Variants in BCL2L14 observed in about 807,000 individuals in gnomAD.
BCL2L14 encodes the protein apoptosis facilitator Bcl-2-like protein 14.
A neutral mutation model predicts 35.3 loss-of-function variants in BCL2L14; 27 were observed. The ratio of observed to expected loss-of-function variants is 0.76; its 90% CI spans 0.56 to 1.05. The LOEUF (loss-of-function observed/expected upper bound fraction) is 1.05, where lower values mean the gene tolerates loss of function less well. Among genes scored for constraint, BCL2L14 ranks in the 50% least tolerant of loss-of-function variants. The pLI, the probability that BCL2L14 is intolerant of heterozygous loss-of-function variation, is 0.00. For missense variants in BCL2L14, 377 were observed against 382.6 expected (o/e 0.99, Z 0.12); for synonymous variants, 139 against 145.9 (o/e 0.95, Z 0.34).
intron 4 of BCL2L14, 120 bp from the exon 5 acceptor site, chr12:12,094,544 A>T: frequency 6.2e-7 from 1 of 1,614,240 alleles, no homozygotes; most frequent in Non-Finnish European, 8.5e-7. Flanking sequence ...CTTGGTTGAC[A>T]CCAGCATCCA....
intron 2 of BCL2L14, chr12:12,054,741 G>C (rs1278996303): frequency 6.6e-6 from 1 of 151,870 alleles, no homozygotes; most frequent in Non-Finnish European, 1.5e-5. Context: ...ATGAGGTCAG[G>C]AGATCGAGAC....
At chr12:12,081,526 A>G (rs570472949) in intron 2 of BCL2L14, among the ~76,000 whole-genome samples, 2 of 148,860 alleles carry the variant, frequency 1.3e-5, no homozygotes, top group East Asian at 3.9e-4. Flanking sequence ...TTCCCCTTCA[A>G]CAAAGCCCAG....
chr12:12,075,425 C>CTTTCTTTCT (rs982111880), intron 1 of BCL2L14, among the ~76,000 whole-genome samples: 2 of 134,154 alleles, frequency 1.5e-5, no homozygotes, highest in African/African-American at 2.7e-5. Context: ...TTCTTTCTTT[C>CTTTCTTTCT]TTTCTTTCTT....
At chr12:12,086,131 T>C (rs905052179) in intron 2 of BCL2L14, among the ~76,000 whole-genome samples, 1 of 152,042 alleles carries the variant, frequency 6.6e-6, no homozygotes, top group Non-Finnish European at 1.5e-5. Context: ...CTGGGCAACA[T>C]AGGGAGACCT....
chr12:12,099,230 T>G lies in BCL2L14; in HGVS notation c.*242T>G. The G allele has an allele frequency of 1.9e-6, 1 of 514,566 alleles. No homozygotes were observed. Among genetic ancestry groups the G allele is most frequent in the South Asian group, 2.3e-5 (1 of 43,152 alleles). 31.9% of individuals were successfully genotyped at this position (514,566 alleles called of 1,614,324 possible). Reference sequence around the variant, plus strand: ...GCCCTCCATTGAGAACCTGAGGAAATCTGTAAAGATAAGTGGTGATGTTGT... The same window carrying G: ...GCCCTCCATTGAGAACCTGAGGAAAGCTGTAAAGATAAGTGGTGATGTTGT... On this transcript the variant is annotated 3_prime_UTR_variant, in exon 6 of 6. Transcript: ENST00000308721.
At chr12:12,092,657 C>A (rs1618847) in intron 4 of BCL2L14, among the ~76,000 whole-genome samples, 1 of 152,034 alleles carries the variant, frequency 6.6e-6, no homozygotes, top group African/African-American at 2.4e-5. Context: ...GCACAGTCCC[C>A]ACTTGGCTGC....
chr12:12,073,000 C>A (rs1049976635), intron 1 of BCL2L14, among the ~76,000 whole-genome samples: 3 of 152,190 alleles, frequency 2.0e-5, no homozygotes, highest in East Asian at 1.9e-4. Flanking sequence ...GATTCTCCCC[C>A]CTCAGCCTCC....
intron 2 of BCL2L14, among the ~76,000 whole-genome samples, chr12:12,083,176 G>A (rs1948965943): frequency 6.6e-6 from 1 of 152,156 alleles, no homozygotes; most frequent in South Asian, 2.1e-4. Flanking sequence ...GTGTTAGCCA[G>A]GATGGTCTCG....
At chr12:12,051,428 C>T (rs944722238) in intron 1 of BCL2L14, among the ~76,000 whole-genome samples, 6 of 152,264 alleles carry the variant, frequency 3.9e-5, no homozygotes, top group Admixed American at 3.9e-4. Context: ...CCCTCTACTC[C>T]ACTCCTGACA....
upstream of BCL2L14, among the ~76,000 whole-genome samples, chr12:12,069,771 T>C (rs1394751014): frequency 2.6e-5 from 4 of 152,008 alleles, no homozygotes; most frequent in Non-Finnish European, 5.9e-5. Flanking sequence ...TAGTATTTCT[T>C]TAATACCCTC....
At chr12:12,088,113 G>C (rs779311530) in intron 3 of BCL2L14, among the ~76,000 whole-genome samples, 1 of 152,162 alleles carries the variant, frequency 6.6e-6, no homozygotes, top group Non-Finnish European at 1.5e-5. Context: ...CATGCCAAGG[G>C]AATCGAGGAC....
rs535375508 is a variant in BCL2L14, at chr12:12,065,353, T to A, written c.-271-12353T>A. Among the ~76,000 whole-genome samples, 10 of 152,176 alleles carry A rather than the reference T, an allele frequency of 6.6e-5. No individual in the cohort carries two copies. In the East Asian group the frequency reaches 1.7e-3, roughly 26 times the overall value. On this transcript the variant is annotated intron_variant, in intron 2 of 3. Transcript: ENST00000461264. ...GAGTTTGAGACCAGCCTGGCCAGCA[T>A]GGAGAAACCCTGTCTCTACTAAAAA...
intron 1 of BCL2L14, among the ~76,000 whole-genome samples, chr12:12,072,036 C>T (rs559178878): frequency 1.3e-5 from 2 of 152,214 alleles, no homozygotes; most frequent in African/African-American, 4.8e-5. Context: ...ACTGTGTGTC[C>T]TGAGCACATG....
chr12:12,096,110 C>A, intron 5 of BCL2L14: 1 of 985,334 alleles, frequency 1.0e-6, no homozygotes, highest in Non-Finnish European at 1.2e-6. Flanking sequence ...TCAAAGGCTG[C>A]ACAGTCTCTA....
chr12:12,069,835 C>T (rs1195554978), upstream of BCL2L14, among the ~76,000 whole-genome samples: 1 of 152,172 alleles, frequency 6.6e-6, no homozygotes, highest in African/African-American at 2.4e-5. Flanking sequence ...AAATTCACCT[C>T]GAGTTACTAA....
rs140363991 is a variant in BCL2L14, at chr12:12,099,343, A to G, written c.*355A>G. On this transcript the variant is annotated 3_prime_UTR_variant, in exon 6 of 6. Transcript: ENST00000308721. ...TACAGATGTCTGCTGACCTCACAAG[A>G]GTGAAAAGATAAACTGTGCATGTGT... 368 of 247,654 alleles carry G rather than the reference A, an allele frequency of 1.5e-3. No individual in the cohort carries two copies. Among genetic ancestry groups the G allele is most frequent in the African/African-American group, 7.5e-3 (329 of 43,672 alleles). The allele number at this position is 247,654 out of a possible 1,614,324, so 15.3% of individuals were successfully genotyped here.
At chr12:12,080,021 G>A (rs957914766) in intron 2 of BCL2L14, among the ~76,000 whole-genome samples, 6 of 151,994 alleles carry the variant, frequency 3.9e-5, no homozygotes, top group Admixed American at 2.6e-4. Flanking sequence ...TGGCTAACAC[G>A]GTAAAACCCC....
chr12:12,063,229 G>A (rs755335519), intron 2 of BCL2L14, among the ~76,000 whole-genome samples: 7 of 133,696 alleles, frequency 5.2e-5, no homozygotes, highest in Non-Finnish European at 1.1e-4. Context: ...AGCCATCACA[G>A]CTGATATCTC....
upstream of BCL2L14, among the ~76,000 whole-genome samples, chr12:12,070,240 G>C (rs1948647943): frequency 6.6e-6 from 1 of 152,166 alleles, no homozygotes; most frequent in Non-Finnish European, 1.5e-5. Context: ...CATAGGAGAG[G>C]TGACATGATA....
Sources: allele counts gnomAD v4.1 joint callset (sites outside exome capture counted in the v4.1 genomes callset), GRCh38; gene constraint gnomAD v4.1.1; transcripts MANE v1.5; gene names NCBI Gene and HGNC (gene_info 2026-07-23, HGNC 2026-07-21).